FAM234A: variants seen among roughly 807,000 people sequenced by gnomAD.
FAM234A encodes the protein protein FAM234A.
Under a neutral mutation model 49.1 loss-of-function variants are expected in FAM234A, and 42 were observed. The ratio of observed to expected loss-of-function variants is 0.86; its 90% CI spans 0.67 to 1.11. The LOEUF is 1.11. Ranked by LOEUF, FAM234A falls within the 50% of genes least tolerant of loss-of-function variation. The probability of loss-of-function intolerance (pLI) is 0.00; values close to 1 mark genes in which losing one functional copy is unlikely to be tolerated. For missense variants in FAM234A, 815 were observed against 745.2 expected, an observed-to-expected ratio of 1.09 and a Z score of -1.09; for synonymous variants, 369 against 316.2, an observed-to-expected ratio of 1.17 and a Z score of -1.77.
intron 3 of FAM234A, among the ~76,000 whole-genome samples, chr16:255,910 G>A (rs1204357440): frequency 6.6e-6 from 1 of 152,162 alleles, no homozygotes. Context: ...TGATCTGCCC[G>A]CTTAAGTCTC....
Position 262,546 on chromosome 16 carries a change from TCCCACAGGTGGGTCC to T in FAM234A, c.965_971+8del. The T allele has an allele frequency of 6.2e-7, 1 of 1,604,144 alleles. No individual in the cohort carries two copies. Among genetic ancestry groups the T allele is most frequent in the African/African-American group, 1.3e-5 (1 of 74,760 alleles). On this transcript the variant is annotated splice_donor_variant and splice_donor_5th_base_variant and coding_sequence_variant and intron_variant, in exon 8 of 13. Transcript: ENST00000399932. LOFTEE classifies it high-confidence loss of function. ...CAATGCCACCACCCGCAGGATGCTT[TCCCACAGGTGGGTCC>T]GGGCCGCAGCCTTTCTCCATGCAGA...
At chr16:254,990 G>C (rs1423010611) in intron 3 of FAM234A, among the ~76,000 whole-genome samples, 1 of 151,884 alleles carries the variant, frequency 6.6e-6, no homozygotes, top group Non-Finnish European at 1.5e-5. Context: ...CAAATAGCTG[G>C]GATTACAGGC....
chr16:235,705 A>G (rs2050375536), intron 1 of FAM234A, among the ~76,000 whole-genome samples: 1 of 152,138 alleles, frequency 6.6e-6, no homozygotes, highest in Non-Finnish European at 1.5e-5. Context: ...ATCCAATTAG[A>G]GCAGAATAAC....
chr16:242,440 C>G (rs1476630688), intron 1 of FAM234A, among the ~76,000 whole-genome samples: 1 of 152,080 alleles, frequency 6.6e-6, no homozygotes, highest in Non-Finnish European at 1.5e-5. Context: ...TCTTGAACTC[C>G]TGTCCTCCAG....
At chr16:252,805 C>A (rs529673957) in intron 2 of FAM234A, among the ~76,000 whole-genome samples, 1 of 152,250 alleles carries the variant, frequency 6.6e-6, no homozygotes, top group Non-Finnish European at 1.5e-5. Context: ...ATCTCTCTGT[C>A]TTCCTGACCC....
In FAM234A at chr16:264,076, C is replaced by T. The variant is rs776479223; in HGVS notation, c.1249C>T (p.Pro417Ser). The change falls in exon 11 of 13, where the codon CCT becomes TCT. Residue 417 changes from proline to serine, a missense_variant. Coordinates refer to ENST00000399932, the MANE Select transcript of FAM234A (RefSeq NM_032039.4). ...VLCSLALPSLPGGPLSASLPT... is the reference protein window; with the variant it reads ...VLCSLALPSLSGGPLSASLPT... ...GTGTAGCCTAGCCCTCCCGAGCCTC[C>T]CTGGGGGTCCACTGTCCGCCAGCCT... 2 of 1,612,896 alleles carry T rather than the reference C, an allele frequency of 1.2e-6. No individual in the cohort carries two copies. The highest frequency in any genetic ancestry group is 1.3e-5 in the African/African-American group (1 of 74,920).
At chr16:260,558 T>C (rs771786168) in intron 5 of FAM234A, 1 of 478,862 alleles carries the variant, frequency 2.1e-6, no homozygotes, top group South Asian at 1.5e-5. Context: ...GATCGGGGCC[T>C]GTCAGTGCCC....
intron 1 of FAM234A, among the ~76,000 whole-genome samples, chr16:244,572 T>C (rs1163260672): frequency 6.6e-6 from 1 of 152,160 alleles, no homozygotes; most frequent in Admixed American, 6.6e-5. Flanking sequence ...TCTTTTCTCT[T>C]TTGATTTTCT....
At chr16:262,934 C>T (rs1021677234) in intron 8 of FAM234A, among the ~76,000 whole-genome samples, 2 of 151,716 alleles carry the variant, frequency 1.3e-5, no homozygotes, top group African/African-American at 4.8e-5. Context: ...ATTCTCCTGC[C>T]CCAGCCTCCC....
chr16:244,253 C>A (rs755317182), intron 1 of FAM234A, among the ~76,000 whole-genome samples: 26 of 152,210 alleles, frequency 1.7e-4, no homozygotes, highest in Non-Finnish European at 3.7e-4. Context: ...CAGGCGTGAG[C>A]CACCGCGCCC....
chr16:264,483 G>A, intron 11 of FAM234A, 131 bp from the exon 12 acceptor site: 1 of 751,712 alleles, frequency 1.3e-6, no homozygotes, highest in South Asian at 1.7e-5. Flanking sequence ...ACAGAACTGG[G>A]GGCTGGCATT....
chr16:242,800 G>A (rs1171733065), intron 1 of FAM234A, among the ~76,000 whole-genome samples: 1 of 151,818 alleles, frequency 6.6e-6, no homozygotes, highest in Non-Finnish European at 1.5e-5. Context: ...TTTTAGTAGA[G>A]ATGGAGTTTC....
At chr16:260,242 G>A (rs533907358) in intron 5 of FAM234A, 82 bp downstream of exon 5, 305 of 1,304,586 alleles carry the variant, frequency 2.3e-4, no homozygotes, top group African/African-American at 1.2e-3. Context: ...CCAGGAGGCC[G>A]CGACGAGGCT....
At chr16:262,912 C>T (rs1463178761) in intron 8 of FAM234A, among the ~76,000 whole-genome samples, 9 of 151,426 alleles carry the variant, frequency 5.9e-5, no homozygotes, top group Admixed American at 3.3e-4. Context: ...CTCCGCCTCC[C>T]GGGTTCAAGT....
chr16:239,614 C>CA (rs534376069), intron 1 of FAM234A, among the ~76,000 whole-genome samples: 7,448 of 102,256 alleles, frequency 0.073, 598 homozygotes, highest in African/African-American at 0.2. Flanking sequence ...GGCCCCGTCT[C>CA]AAAAAAAAAA....
At chr16:238,070 G>C (rs2050465267) in intron 1 of FAM234A, among the ~76,000 whole-genome samples, 1 of 151,916 alleles carries the variant, frequency 6.6e-6, no homozygotes, top group Non-Finnish European at 1.5e-5. Flanking sequence ...CCAGGCTGGA[G>C]TGCAGTGGCT....
rs1457355858 is a variant in FAM234A, at chr16:264,070, A to G, written c.1243A>G (p.Ser415Gly). 1.2e-6 allele frequency: 2 copies of G among 1,612,834 alleles called. No individual in the cohort carries two copies. Among genetic ancestry groups the G allele is most frequent in the Non-Finnish European group, 1.7e-6 (2 of 1,179,960 alleles). Residue 415 changes from serine (S) to glycine (G), a missense_variant, in exon 11 of 13, where the codon AGC becomes GGC. Ser to Gly is a moderately conservative substitution (Grantham distance 56, BLOSUM62 0). Transcript: ENST00000399932. Reference protein sequence around the residue: ...GAVLCSLALPSLPGGPLSASL... With the variant: ...GAVLCSLALPGLPGGPLSASL... ...CGTCCTGTGTAGCCTAGCCCTCCCGAGCCTCCCTGGGGGTCCACTGTCCGC... is the reference window on the plus strand; with the variant it reads ...CGTCCTGTGTAGCCTAGCCCTCCCGGGCCTCCCTGGGGGTCCACTGTCCGC...
At chr16:256,447 TGA>T (rs1406618595) in intron 3 of FAM234A, among the ~76,000 whole-genome samples, 1 of 152,238 alleles carries the variant, frequency 6.6e-6, no homozygotes, top group Non-Finnish European at 1.5e-5. Flanking sequence ...TCTTTTCGTG[TGA>T]GTTTTAGCCA....
At position 264,617 on chromosome 16, in the gene FAM234A, ACCGGGGAGG is replaced by A; in HGVS notation, c.1351_1359del (p.Gly451_Ala453del). On this transcript the variant is annotated inframe_deletion, in exon 12 of 13. Coordinates refer to ENST00000399932, the MANE Select transcript of FAM234A (RefSeq NM_032039.4). ...CCATTGCTGGTTCTCGCTCCAGGAG[ACCGGGGAGG>A]CCCGGCACAGCCTGTACATGTTCCA... The A allele has an allele frequency of 6.2e-7, 1 of 1,607,396 alleles. No homozygotes were observed. Among genetic ancestry groups the A allele is most frequent in the Non-Finnish European group, 8.5e-7 (1 of 1,177,286 alleles).
Sources: allele counts gnomAD v4.1 joint callset (sites outside exome capture counted in the v4.1 genomes callset), GRCh38; gene constraint gnomAD v4.1.1; transcripts MANE v1.5; gene names NCBI Gene and HGNC (gene_info 2026-07-23, HGNC 2026-07-21).